Variants in CDH15 observed in about 807,000 individuals in gnomAD.
CDH15 encodes the protein cadherin 15, also known as cadherin-15.
Under a neutral mutation model 69.4 loss-of-function variants are expected in CDH15, and 73 were observed. The observed-to-expected ratio is 1.05, with a 90% CI of 0.87 to 1.28. The LOEUF is 1.28. Ranked by LOEUF, CDH15 falls within the 50% of genes most tolerant of loss-of-function variation. The pLI, the probability that CDH15 is intolerant of heterozygous loss-of-function variation, is 0.00. For missense variants in CDH15, 1,343 were observed against 1,133.6 expected (o/e 1.18, Z -2.65); for synonymous variants, 624 against 507.7 (o/e 1.23, Z -3.08).
chr16:89,191,188 T>A, intron 8 of CDH15, 142 bp from the exon 9 acceptor site: 1 of 900,238 alleles, frequency 1.1e-6, no homozygotes, highest in Non-Finnish European at 1.8e-6. Context: ...TGCGTGTGTA[T>A]ATGTTGTGTG....
rs919605854 is a variant in CDH15 at position 89,178,383 on chromosome 16, G to A, written c.43-1033G>A. Among the ~76,000 whole-genome samples, 3 of 152,326 alleles carry A rather than the reference G, an allele frequency of 2.0e-5. No individual in the cohort carries two copies. In the East Asian group the frequency reaches 5.8e-4, roughly 29 times the overall value. On this transcript the variant is annotated intron_variant, in intron 1 of 13. Coordinates refer to ENST00000289746, the MANE Select transcript of CDH15 (RefSeq NM_004933.3). ...AACAGTGCGTCCCAGCCCCTGATGT[G>A]GGAGAGGAGGAGATGGGCACACCAG...
rs757941155 is a variant in CDH15 at position 89,192,441 on chromosome 16, CTGGG to C, written c.1855_1855+3del. ...CGTGCTGGCCAGCGCCCTCCTGCTG[CTGGG>C]TGAGTGAGCGCCCCGCCTCCACCTG... On this transcript the variant is annotated splice_donor_variant and coding_sequence_variant, in exon 11 of 14. Coordinates refer to ENST00000289746, the MANE Select transcript of CDH15 (RefSeq NM_004933.3). LOFTEE classifies it high-confidence loss of function. The C allele has an allele frequency of 1.3e-6, 2 of 1,560,730 alleles. No homozygotes were observed. Among genetic ancestry groups the C allele is most frequent in the Non-Finnish European group, 1.7e-6 (2 of 1,160,758 alleles).
chr16:89,193,582 G>C lies in CDH15; in HGVS notation c.1968G>C (p.Glu656Asp). The C allele has an allele frequency of 6.2e-7, 1 of 1,605,818 alleles. No individual in the cohort carries two copies. Among genetic ancestry groups the C allele is most frequent in the Middle Eastern group, 1.7e-4 (1 of 6,048 alleles). The part of the protein sequence containing the change: ...DLRDNVLNYD[E>D]QGGGEEDQDA... ...GAGACAATGTCCTCAACTACGATGA[G>C]CAAGGAGGCGGGGAGGAGGACCAGG... Residue 656 changes from glutamate to aspartate, a missense_variant, in exon 12 of 14, where the codon GAG becomes GAC. Transcript: ENST00000289746.
In CDH15 at chr16:89,193,779, C is replaced by CT; in HGVS notation, c.2017_2018insT (p.Arg673LeufsTer45). 1 of 1,604,972 alleles carries CT rather than the reference C, an allele frequency of 6.2e-7. No homozygotes were observed. Among genetic ancestry groups the CT allele is most frequent in the East Asian group, 2.2e-5 (1 of 44,766 alleles). On this transcript the variant is annotated frameshift_variant, in exon 13 of 14. Transcript: ENST00000289746. LOFTEE classifies it high-confidence loss of function. ...GGACGCCTACGACATCAGCCAGCTG[C>CT]GTCACCCGACAGCGCTGAGCCTGCC...
chr16:89,193,505 T>C lies in CDH15; in HGVS notation c.1891T>C (p.Trp631Arg), dbSNP rs755413792. 2 of 1,611,958 alleles carry C rather than the reference T, an allele frequency of 1.2e-6. No individual in the cohort carries two copies. Among genetic ancestry groups the C allele is most frequent in the Admixed American group, 3.3e-5 (2 of 59,972 alleles). The change falls in exon 12 of 14, where the codon TGG becomes CGG. Residue 631 changes from tryptophan (W) to arginine (R), a missense_variant. Physicochemically the swap from Trp to Arg is moderately radical, Grantham distance 101. Coordinates refer to ENST00000289746, the MANE Select transcript of CDH15 (RefSeq NM_004933.3). ...VLLVALRARF[W>R]KQSRGKGLLH... ...GCTCGTGGCACTCCGGGCGCGGTTCTGGAAGCAGTCTCGGGGCAAGGGGCT... is the reference window on the plus strand; with the variant it reads ...GCTCGTGGCACTCCGGGCGCGGTTCCGGAAGCAGTCTCGGGGCAAGGGGCT...
chr16:89,188,903 C>A lies in CDH15; in HGVS notation c.978+618C>A, dbSNP rs546698918. Among the ~76,000 whole-genome samples, 384 of 150,062 alleles carry A rather than the reference C, an allele frequency of 2.6e-3. 3 individuals carry two copies. The highest frequency in any genetic ancestry group is 8.7e-3 in the African/African-American group (352 of 40,616). Reference sequence around the variant, plus strand: ...ATGCCAGCACACACAGATGCCCACACACACATGCCCACACACAGGTGCCCA... The same window carrying A: ...ATGCCAGCACACACAGATGCCCACAAACACATGCCCACACACAGGTGCCCA... On this transcript the variant is annotated intron_variant, in intron 7 of 13. Coordinates refer to ENST00000289746, the MANE Select transcript of CDH15 (RefSeq NM_004933.3).
intron 5 of CDH15, 30 bp from the exon 6 acceptor site, chr16:89,187,399 A>T (rs760724608): frequency 1.1e-5 from 17 of 1,611,060 alleles, no homozygotes; most frequent in Non-Finnish European, 1.4e-5. Flanking sequence ...CTGGGCCCTC[A>T]TCTTCTGACC....
intron 5 of CDH15, chr16:89,185,556 C>G (rs950389660): frequency 3.2e-6 from 2 of 617,328 alleles, no homozygotes; most frequent in African/African-American, 1.8e-5. Context: ...GCAAGTAGGG[C>G]GTGAGGGGCC....
Position 89,180,344 on chromosome 16 carries a change from G to A in CDH15, c.346G>A (p.Asp116Asn), listed in dbSNP as rs745513122. ...TGCCATGCTGGACCGCGAGAAGACT[G>A]ATCGCTTCAGGGTGCGGAGCTGCGT... ...LNAMLDREKT[D>N]RFRLRAFALD... Residue 116 changes from aspartate to asparagine, a missense_variant, in exon 3 of 14, where the codon GAT becomes AAT. Transcript: ENST00000289746. 1.2e-6 allele frequency: 2 copies of A among 1,612,240 alleles called. No homozygotes were observed. The highest frequency in any genetic ancestry group is 1.7e-6 in the Non-Finnish European group (2 of 1,179,470).
At chr16:89,190,525 A>G (rs2151603575) in intron 8 of CDH15, 29 bp downstream of exon 8, 3 of 1,571,192 alleles carry the variant, frequency 1.9e-6, no homozygotes, top group Non-Finnish European at 2.6e-6. Context: ...TGGGAGAGGT[A>G]GAGGAGGCTA....
At chr16:89,192,519 A>T (rs1915675469) in intron 11 of CDH15, 75 bp downstream of exon 11, 1 of 1,517,198 alleles carries the variant, frequency 6.6e-7, no homozygotes, top group African/African-American at 1.4e-5. Flanking sequence ...CCTGCTAACC[A>T]GCCACGCCGC....
rs766534966 is a variant in CDH15, at chr16:89,191,635, C to G, written c.1376-20C>G. The G allele has an allele frequency of 9.5e-6, 15 of 1,572,258 alleles. No individual in the cohort carries two copies. Among genetic ancestry groups the G allele is most frequent in the Non-Finnish European group, 1.3e-5 (15 of 1,164,658 alleles). Reference sequence around the variant, plus strand: ...GGCTGGGGTGTTGGGGTCACTAAGCCGCGGCCTCCTCGCCTGCAGCCTCCC... The same window carrying G: ...GGCTGGGGTGTTGGGGTCACTAAGCGGCGGCCTCCTCGCCTGCAGCCTCCC... On this transcript the variant is annotated intron_variant, in intron 9 of 13. Transcript: ENST00000289746.
chr16:89,188,297 C>T lies in CDH15; in HGVS notation c.978+12C>T. ...TGTCCATTGTGAAGGTGAGCGGCCC[C>T]CGGCTGGCACACAGATGCCGGCAGA... On this transcript the variant is annotated intron_variant, in intron 7 of 13. Coordinates refer to ENST00000289746, the MANE Select transcript of CDH15 (RefSeq NM_004933.3). The T allele has an allele frequency of 6.2e-7, 1 of 1,611,316 alleles. No homozygotes were observed. The highest frequency in any genetic ancestry group is 8.5e-7 in the Non-Finnish European group (1 of 1,178,962).
At chr16:89,174,922 C>T (rs999226970) in intron 1 of CDH15, among the ~76,000 whole-genome samples, 1 of 152,174 alleles carries the variant, frequency 6.6e-6, no homozygotes, top group African/African-American at 2.4e-5. Context: ...CCGATCTCCC[C>T]AGGACGGCTC....
Position 89,192,187 on chromosome 16 carries a change from C to G in CDH15, c.1616-18C>G. 6.5e-7 allele frequency: 1 copy of G among 1,527,488 alleles called. No individual in the cohort carries two copies. Among genetic ancestry groups the G allele is most frequent in the Non-Finnish European group, 8.7e-7 (1 of 1,143,530 alleles). 94.6% of individuals were successfully genotyped at this position (1,527,488 alleles called of 1,614,324 possible). On this transcript the variant is annotated intron_variant, in intron 10 of 13. Coordinates refer to ENST00000289746, the MANE Select transcript of CDH15 (RefSeq NM_004933.3). ...GCGGCCTCGGGAGGCCCTCGCTCAC[C>G]ACAGGCGCCCTCCGCAGTGAGCCAC...
In CDH15 at chr16:89,192,362, G is replaced by T; in HGVS notation, c.1773G>T (p.Gly591=). Reference sequence around the variant, plus strand: ...GCAAGGACGGCGTCTGCCTGCCGGGGGCCGCAGCGCTGCTGGCGGGGGGCA... The same window carrying T: ...GCAAGGACGGCGTCTGCCTGCCGGGTGCCGCAGCGCTGCTGGCGGGGGGCA... ...RCGKDGVCLP[G]AAALLAGGTG... is the part of the protein sequence containing the mutation. Residue 591 remains glycine, a synonymous_variant, in exon 11 of 14, where the codon GGG becomes GGT. Transcript: ENST00000289746. 1.3e-6 allele frequency: 2 copies of T among 1,538,300 alleles called. No individual in the cohort carries two copies. Among genetic ancestry groups the T allele is most frequent in the Non-Finnish European group, 1.7e-6 (2 of 1,148,632 alleles).
chr16:89,187,360 C>T (rs556715909), intron 5 of CDH15, 69 bp from the exon 6 acceptor site: 5 of 1,594,960 alleles, frequency 3.1e-6, no homozygotes, highest in African/African-American at 2.7e-5. Flanking sequence ...GCCTGGCTCC[C>T]ACCCCTGACC....
chr16:89,188,825 CCCACGCACAGGTGCCCACACACAG>C (rs1915562013), intron 7 of CDH15, among the ~76,000 whole-genome samples: 1 of 84,500 alleles, frequency 1.2e-5, no homozygotes, highest in Non-Finnish European at 2.4e-5. Context: ...CACACAGATG[CCCACGCACAGGTGCCCACACACAG>C]ATGCCCACGC....
chr16:89,187,477 G>A lies in CDH15; in HGVS notation c.712G>A (p.Asp238Asn), dbSNP rs1161743859. The change falls in exon 6 of 14, where the codon GAC becomes AAC. Residue 238 changes from aspartate to asparagine, a missense_variant. Asp to Asn is a conservative substitution (Grantham distance 23, BLOSUM62 1). Coordinates refer to ENST00000289746, the MANE Select transcript of CDH15 (RefSeq NM_004933.3). ...LTLQVADMSGDGLTATASAII... is the reference protein window; with the variant it reads ...LTLQVADMSGNGLTATASAII... ...CCTGCAGGTGGCGGACATGTCTGGAGACGGCCTCACAGCCACTGCCTCAGC... is the reference window on the plus strand; with the variant it reads ...CCTGCAGGTGGCGGACATGTCTGGAAACGGCCTCACAGCCACTGCCTCAGC... 3 of 1,613,634 alleles carry A rather than the reference G, an allele frequency of 1.9e-6. No individual in the cohort carries two copies. The Admixed American group carries it at 5.0e-5, about 27-fold the overall frequency.
Sources: gnomAD v4.1 joint callset for allele counts (sites outside exome capture counted in the v4.1 genomes callset) on GRCh38, gnomAD v4.1.1 for gene constraint, MANE v1.5 for transcripts, NCBI Gene and HGNC (gene_info 2026-07-23, HGNC 2026-07-21) for gene names.